The following COL22A1 variants were observed in gnomAD, a reference collection of about 807,000 sequenced individuals.
The protein encoded by COL22A1 is collagen type XXII alpha 1 chain.
A neutral mutation model predicts 248.9 loss-of-function variants in COL22A1; 221 were observed. The observed-to-expected ratio is 0.89, with a 90% CI of 0.80 to 0.99. COL22A1 has a LOEUF of 0.99. Ranked by LOEUF, COL22A1 falls within the 50% of genes least tolerant of loss-of-function variation. COL22A1 has a pLI of 0.00. For missense variants in COL22A1, 2,240 were observed against 2,179.0 expected (o/e 1.03, Z -0.56); for synonymous variants, 891 against 793.4 (o/e 1.12, Z -2.07).
At chr8:138,627,403 A>C (rs796504673) in intron 50 of COL22A1, among the ~76,000 whole-genome samples, 1 of 152,286 alleles carries the variant, frequency 6.6e-6, no homozygotes, top group South Asian at 2.1e-4. Context: ...CTGATTTTGC[A>C]TTAAATGTTT....
chr8:138,849,015 G>A (rs1282926443), intron 3 of COL22A1, among the ~76,000 whole-genome samples: 1 of 152,176 alleles, frequency 6.6e-6, no homozygotes, highest in Non-Finnish European at 1.5e-5. Context: ...AGAGGCGGAG[G>A]AGGGAAGAGC....
intron 16 of COL22A1, among the ~76,000 whole-genome samples, chr8:138,768,109 C>A (rs932931829): frequency 6.6e-6 from 1 of 152,166 alleles, no homozygotes; most frequent in Admixed American, 6.5e-5. Context: ...CCTGGCCCTC[C>A]GCCTCTGCCC....
chr8:138,598,793 G>GGGGACC lies in COL22A1; in HGVS notation c.4285_4290dup (p.Gly1429_Pro1430dup). 1 of 1,614,136 alleles carries GGGGACC rather than the reference G, an allele frequency of 6.2e-7. No homozygotes were observed. The highest frequency in any genetic ancestry group is 8.5e-7 in the Non-Finnish European group (1 of 1,180,020). ...GGTCCATTCTCCCCAGGTAGTCCTT[G>GGGGACC]GGGACCCATCAGGCCTGTGTGGCCT... On this transcript the variant is annotated inframe_insertion, in exon 61 of 65. Transcript: ENST00000303045.
chr8:138,880,867 T>C (rs975995288), intron 2 of COL22A1, among the ~76,000 whole-genome samples: 4 of 152,216 alleles, frequency 2.6e-5, no homozygotes, highest in African/African-American at 9.6e-5. Flanking sequence ...AACAAATTTG[T>C]TTGAAGGCTA....
chr8:138,882,378 A>C (rs1824276702), intron 2 of COL22A1, among the ~76,000 whole-genome samples: 1 of 148,582 alleles, frequency 6.7e-6, no homozygotes. Context: ...ACACTCTCAC[A>C]CTCCCTCACA....
chr8:138,842,546 G>A (rs1356520315), intron 4 of COL22A1, among the ~76,000 whole-genome samples: 3 of 152,172 alleles, frequency 2.0e-5, no homozygotes, highest in Non-Finnish European at 2.9e-5. Flanking sequence ...TAGATTATCC[G>A]AGAGCCAGAG....
At position 138,821,056 on chromosome 8, in the gene COL22A1, G is replaced by A. The variant is rs1819074319; in HGVS notation, c.1245+80C>T. 2.0e-6 allele frequency: 3 copies of A among 1,483,930 alleles called. No homozygotes were observed. The South Asian group carries it at 3.8e-5, about 19-fold the overall frequency. 91.9% of individuals were successfully genotyped at this position (1,483,930 alleles called of 1,614,324 possible). ...GGTACCTGGTTCATGCAGGTGTGGAGAACACTGAGGGCACTTAGCTCCCAA... is the reference window on the plus strand; with the variant it reads ...GGTACCTGGTTCATGCAGGTGTGGAAAACACTGAGGGCACTTAGCTCCCAA... On this transcript the variant is annotated intron_variant, in intron 7 of 64. Coordinates refer to ENST00000303045, the MANE Select transcript of COL22A1 (RefSeq NM_152888.3).
In COL22A1 at chr8:138,618,747, T is replaced by A. The variant is rs996447874; in HGVS notation, c.3825+708A>T. ...TTTAGGATAATCATTTAAAATCATA[T>A]TTTTTTCTAAAAGCAATTTAAGAAA... is the stretch of plus-strand genomic sequence containing the variant. On this transcript the variant is annotated intron_variant, in intron 53 of 64. Transcript: ENST00000303045. Among the ~76,000 whole-genome samples, 6 of 152,272 alleles carry A rather than the reference T, an allele frequency of 3.9e-5. No individual in the cohort carries two copies. The East Asian group carries it at 9.6e-4, about 24-fold the overall frequency.
intron 3 of COL22A1, among the ~76,000 whole-genome samples, chr8:138,844,518 G>A (rs556760242): frequency 1.3e-5 from 2 of 152,174 alleles, no homozygotes; most frequent in East Asian, 3.9e-4. Context: ...GGGGGTTCAG[G>A]ACACAGATAC....
At chr8:138,752,736 G>A (rs913964624) in intron 21 of COL22A1, among the ~76,000 whole-genome samples, 3 of 152,190 alleles carry the variant, frequency 2.0e-5, no homozygotes, top group Non-Finnish European at 4.4e-5. Context: ...TCGAGAATGG[G>A]ATATATTTTC....
At chr8:138,660,839 GACAC>G (rs776816939) in intron 43 of COL22A1, among the ~76,000 whole-genome samples, 2 of 89,586 alleles carry the variant, frequency 2.2e-5, no homozygotes, top group African/African-American at 3.6e-5. Context: ...TACACACACA[GACAC>G]ACACACACAT....
rs144653941 is a variant in COL22A1, at chr8:138,716,838, C to T, written c.2387G>A (p.Arg796Gln). 73 of 1,610,832 alleles carry T rather than the reference C, an allele frequency of 4.5e-5. No homozygotes were observed. Among genetic ancestry groups the T allele is most frequent in the Non-Finnish European group, 5.3e-5 (62 of 1,177,164 alleles). The change falls in exon 28 of 65, where the codon CGA (arginine) becomes CAA (glutamine). Residue 796 changes from arginine to glutamine, a missense_variant. Transcript: ENST00000303045. ...AAACAAACAGACCTTCTCTCCAGGT[C>T]GGCCTGCCAGGCCCTGCTCCCCAAT... ...GEIGEQGLAG[R>Q]PGEKGEAGLP...
chr8:138,903,253 T>C (rs1814752035), intron 1 of COL22A1, among the ~76,000 whole-genome samples: 1 of 151,990 alleles, frequency 6.6e-6, no homozygotes, highest in South Asian at 2.1e-4. Context: ...TTGTTCCAGG[T>C]CATGTGGCTA....
chr8:138,774,764 A>G (rs1286397323), intron 16 of COL22A1, among the ~76,000 whole-genome samples: 1 of 152,206 alleles, frequency 6.6e-6, no homozygotes, highest in Non-Finnish European at 1.5e-5. Context: ...GTAAATGATC[A>G]ATGCCAGGGG....
In COL22A1 at chr8:138,613,196, G is replaced by A. The variant is rs184779147; in HGVS notation, c.3978+671C>T. 5.9e-3 allele frequency among the ~76,000 whole-genome samples: 886 copies of A among 150,758 alleles called. 10 individuals carry two copies. Among genetic ancestry groups the A allele is most frequent in the African/African-American group, 0.02 (815 of 41,106 alleles). On this transcript the variant is annotated intron_variant, in intron 56 of 64. Transcript: ENST00000303045. The stretch of plus-strand genomic sequence containing the variant: ...CTGGGAGGTGGAGCTTGCAGTGAGC[G>A]GAGATCACGCCAGTGCACTGCAGCC...
intron 3 of COL22A1, among the ~76,000 whole-genome samples, chr8:138,870,268 ATATGTGGTGTGTGTGAACTGTGCATTTG>A (rs1179457494): frequency 4.6e-5 from 7 of 150,896 alleles, no homozygotes; most frequent in Admixed American, 6.6e-5. Context: ...TGCTGTTTGT[ATATGTGGTGTGTGTGAACTGTGCATTTG>A]TATGTGGTGT....
intron 1 of COL22A1, among the ~76,000 whole-genome samples, chr8:138,895,426 GA>G (rs34519608): frequency 0.086 from 13,042 of 151,688 alleles, 668 homozygotes; most frequent in Non-Finnish European, 0.1. Flanking sequence ...TGAAACAAAT[GA>G]AAAAATAGAA....
intron 3 of COL22A1, among the ~76,000 whole-genome samples, chr8:138,869,938 G>A (rs556406681): frequency 6.6e-6 from 1 of 152,336 alleles, no homozygotes; most frequent in South Asian, 2.1e-4. Context: ...TGTGTAGTGT[G>A]TGTAGTATAT....
chr8:138,913,026 T>C (rs550939348), intron 1 of COL22A1, among the ~76,000 whole-genome samples: 48 of 152,024 alleles, frequency 3.2e-4, no homozygotes, highest in African/African-American at 1.2e-3. Context: ...TACGCAGGGA[T>C]TGGGGGAAGG....
Sources: gnomAD v4.1 joint callset for allele counts (sites outside exome capture counted in the v4.1 genomes callset) on GRCh38, gnomAD v4.1.1 for gene constraint, MANE v1.5 for transcripts, NCBI Gene and HGNC (gene_info 2026-07-23, HGNC 2026-07-21) for gene names.